Variants in MGAT4C observed in about 807,000 individuals in gnomAD.
MGAT4C encodes alpha-1,3-mannosyl-glycoprotein 4-beta-N-acetylglucosaminyltransferase C.
Under a neutral mutation model 40.1 loss-of-function variants are expected in MGAT4C, and 19 were observed. The observed-to-expected ratio is 0.47, with a 90% CI of 0.33 to 0.70. The LOEUF is 0.70. MGAT4C is among the 30% of genes least tolerant of loss of function. MGAT4C has a pLI of 0.02. For synonymous variants in MGAT4C, 181 were observed against 187.1 expected, an observed-to-expected ratio of 0.97 and a Z score of 0.27; for missense variants, 491 against 563.2, an observed-to-expected ratio of 0.87 and a Z score of 1.30.
intron 2 of MGAT4C, among the ~76,000 whole-genome samples, chr12:86,707,877 G>T (rs1171859899): frequency 1.3e-5 from 2 of 152,086 alleles, no homozygotes; most frequent in Admixed American, 6.6e-5. Flanking sequence ...ATGTGACTTG[G>T]GTGCTGATAA....
intron 3 of MGAT4C, among the ~76,000 whole-genome samples, chr12:86,349,676 C>T (rs1488345321): frequency 6.6e-6 from 1 of 152,066 alleles, no homozygotes. Flanking sequence ...ACAAAAACTT[C>T]AAGTTAATTT....
At chr12:86,782,112 C>A (rs921820347) in intron 1 of MGAT4C, among the ~76,000 whole-genome samples, 1 of 150,372 alleles carries the variant, frequency 6.7e-6, no homozygotes, top group Non-Finnish European at 1.5e-5. Flanking sequence ...CCTGCCTCAG[C>A]CTTCTGAGTA....
chr12:86,579,999 T>A (rs1234484852), intron 2 of MGAT4C, among the ~76,000 whole-genome samples: 3 of 40,218 alleles, frequency 7.5e-5, no homozygotes, highest in Non-Finnish European at 2.2e-4. Flanking sequence ...GGGAGTTTGA[T>A]TATTAAATGC....
chr12:86,579,847 G>A (rs10858444), intron 2 of MGAT4C, among the ~76,000 whole-genome samples: 111,177 of 151,382 alleles, frequency 0.73, 42,263 homozygotes, highest in Middle Eastern at 0.84. Flanking sequence ...TTTTCCTTCA[G>A]CATTTTAAAT....
At chr12:86,096,592 G>C (rs34799430) in intron 1 of MGAT4C, among the ~76,000 whole-genome samples, 1 of 150,458 alleles carries the variant, frequency 6.6e-6, no homozygotes. Context: ...TTTTTTCCTC[G>C]AATCTTTTTT....
chr12:86,267,488 G>T (rs137898380), intron 4 of MGAT4C, among the ~76,000 whole-genome samples: 74 of 152,090 alleles, frequency 4.9e-4, no homozygotes, highest in African/African-American at 1.6e-3. Flanking sequence ...CTACCAAGAC[G>T]CAAAAACAGA....
At chr12:86,114,045 T>G (rs902209340) in intron 1 of MGAT4C, among the ~76,000 whole-genome samples, 2 of 151,926 alleles carry the variant, frequency 1.3e-5, no homozygotes, top group Admixed American at 6.6e-5. Context: ...TCTGCTTCTG[T>G]GTCTACCTTT....
intron 1 of MGAT4C, chr12:86,727,291 C>T (rs1950837544): frequency 6.6e-6 from 1 of 152,070 alleles, no homozygotes; most frequent in South Asian, 2.1e-4. Flanking sequence ...ATTGCTATAA[C>T]ATGATGATGA....
At chr12:86,784,322 C>CT (rs1380698810) in intron 1 of MGAT4C, among the ~76,000 whole-genome samples, 2 of 152,042 alleles carry the variant, frequency 1.3e-5, no homozygotes, top group Non-Finnish European at 2.9e-5. Flanking sequence ...AATCAGTAAA[C>CT]TTAGCATGCA....
At chr12:86,656,905 T>C (rs1380004967) in intron 2 of MGAT4C, among the ~76,000 whole-genome samples, 2 of 152,108 alleles carry the variant, frequency 1.3e-5, no homozygotes, top group Non-Finnish European at 2.9e-5. Context: ...TCTTAATTTT[T>C]GTTTAAATTT....
chr12:86,019,907 G>A lies in MGAT4C; in HGVS notation c.-7+29767C>T, dbSNP rs56200551. ...AGTTCTCCTTGAAGAGGTCCTTCAC[G>A]TCCCTTGTAAGTTGGATTCCTAGGT... On this transcript the variant is annotated intron_variant, in intron 2 of 4. Transcript: ENST00000611864. 6.3e-3 allele frequency among the ~76,000 whole-genome samples: 959 copies of A among 151,974 alleles called. 3 individuals carry two copies. The highest frequency in any genetic ancestry group is 0.01 in the Non-Finnish European group (707 of 67,944).
chr12:86,583,982 A>T (rs1485257057), intron 2 of MGAT4C, among the ~76,000 whole-genome samples: 4 of 151,020 alleles, frequency 2.6e-5, no homozygotes, highest in Non-Finnish European at 4.5e-5. Flanking sequence ...AATGTATATT[A>T]TTTTGACATA....
At chr12:86,015,275 G>C (rs1888971752) in intron 2 of MGAT4C, among the ~76,000 whole-genome samples, 1 of 151,014 alleles carries the variant, frequency 6.6e-6, no homozygotes, top group Admixed American at 6.6e-5. Flanking sequence ...TTTCCGCTAG[G>C]AAATGAAAAA....
chr12:86,249,798 AC>A (rs1952191068), intron 1 of MGAT4C, among the ~76,000 whole-genome samples: 1 of 152,114 alleles, frequency 6.6e-6, no homozygotes, highest in Non-Finnish European at 1.5e-5. Context: ...GCCCACCTGT[AC>A]CTGAAAAAGT....
At chr12:86,228,212 A>G (rs946299031) in intron 1 of MGAT4C, among the ~76,000 whole-genome samples, 5 of 151,770 alleles carry the variant, frequency 3.3e-5, no homozygotes, top group African/African-American at 1.2e-4. Flanking sequence ...CTGTAGACCA[A>G]AAAAAGAAAA....
chr12:86,698,231 G>C (rs535332277), intron 2 of MGAT4C, among the ~76,000 whole-genome samples: 9 of 151,706 alleles, frequency 5.9e-5, no homozygotes, highest in Non-Finnish European at 1.3e-4. Context: ...CTGAAATATC[G>C]TAAAGGAGTA....
At position 85,983,590 on chromosome 12, in the gene MGAT4C, T is replaced by C. The variant is rs2136695215; in HGVS notation, c.228A>G (p.Leu76=). The change falls in exon 4 of 5, where the codon TTA becomes TTG. Residue 76 remains leucine (L), a synonymous_variant. Coordinates refer to ENST00000611864, the MANE Select transcript of MGAT4C (RefSeq NM_001351288.2). Reference sequence around the variant, plus strand: ...CATTTATGGCTCCTGAGAAATTAGATAAATCCTTGAAAGTATGAACATAGC... The same window carrying C: ...CATTTATGGCTCCTGAGAAATTAGACAAATCCTTGAAAGTATGAACATAGC... ...SERYVHTFKD[L]SNFSGAINVT... 6.3e-7 allele frequency: 1 copy of C among 1,598,972 alleles called. No individual in the cohort carries two copies.
intron 2 of MGAT4C, among the ~76,000 whole-genome samples, chr12:86,713,113 C>T (rs1164173128): frequency 5.3e-5 from 8 of 152,030 alleles, no homozygotes; most frequent in African/African-American, 1.4e-4. Context: ...CACACACACA[C>T]ACACACCATG....
intron 2 of MGAT4C, among the ~76,000 whole-genome samples, chr12:86,673,160 G>A (rs1332410137): frequency 3.3e-5 from 5 of 152,068 alleles, no homozygotes; most frequent in Non-Finnish European, 5.9e-5. Flanking sequence ...AGGGCTTACG[G>A]GAACCGTTCT....
Sources: allele counts gnomAD v4.1 joint callset (sites outside exome capture counted in the v4.1 genomes callset), GRCh38; gene constraint gnomAD v4.1.1; transcripts MANE v1.5; gene names NCBI Gene and HGNC (gene_info 2026-07-23, HGNC 2026-07-21).